The following CNOT6 variants were observed in gnomAD, a reference collection of about 807,000 sequenced individuals.
The protein encoded by CNOT6 is carbon catabolite repression 4 protein.
A neutral mutation model predicts 61.2 loss-of-function variants in CNOT6; 12 were observed. The observed-to-expected ratio is 0.20, with a 90% CI of 0.13 to 0.32. The LOEUF is 0.32. CNOT6 is among the 10% of genes least tolerant of loss of function. The pLI, the probability that CNOT6 is intolerant of heterozygous loss-of-function variation, is 1.00. For synonymous variants in CNOT6, 225 were observed against 240.6 expected (o/e 0.94, Z 0.60); for missense variants, 405 against 663.9 (o/e 0.61, Z 4.28).
chr5:180,529,134 G>T (rs1316825558), intron 1 of CNOT6, 141 bp from the exon 2 acceptor site: 17 of 629,888 alleles, frequency 2.7e-5, no homozygotes, highest in Non-Finnish European at 2.9e-6. Context: ...GCTTGAAGAG[G>T]TTGGAGTGAG....
At chr5:180,536,120 T>C (rs1278211328) in intron 2 of CNOT6, among the ~76,000 whole-genome samples, 1 of 148,302 alleles carries the variant, frequency 6.7e-6, no homozygotes, top group Non-Finnish European at 1.5e-5. Context: ...CTCAGCCTCC[T>C]GAGTAGCTGG....
chr5:180,505,821 T>G (rs1399583720), intron 1 of CNOT6, among the ~76,000 whole-genome samples: 1 of 152,204 alleles, frequency 6.6e-6, no homozygotes, highest in Non-Finnish European at 1.5e-5. Flanking sequence ...GTGCTGGGAT[T>G]ACAGGCTTGA....
chr5:180,500,166 CTG>C (rs1393326919), intron 1 of CNOT6, among the ~76,000 whole-genome samples: 1 of 151,632 alleles, frequency 6.6e-6, no homozygotes, highest in Non-Finnish European at 1.5e-5. Context: ...GGGTCTCACT[CTG>C]TGTCACCCAG....
At chr5:180,551,377 A>G (rs1001369841) in intron 3 of CNOT6, among the ~76,000 whole-genome samples, 1 of 151,976 alleles carries the variant, frequency 6.6e-6, no homozygotes, top group Non-Finnish European at 1.5e-5. Context: ...CCCTCTAGAA[A>G]ATAAGAAAGA....
At position 180,494,394 on chromosome 5, in the gene CNOT6, C is replaced by G. The variant is rs1193078804; in HGVS notation, c.-372C>G. The G allele has an allele frequency of 1.3e-5, 2 of 152,862 alleles. No individual in the cohort carries two copies. The highest frequency in any genetic ancestry group is 6.6e-5 in the Admixed American group (1 of 15,256). The allele number at this position is 152,862 out of a possible 1,614,324, so 9.5% of individuals were successfully genotyped here. On this transcript the variant is annotated 5_prime_UTR_variant, in exon 1 of 12. Transcript: ENST00000261951. ...CTCGCTGGCTGAGGGACGGCGGCCGCCGCCATGATGCTTGTTTGCTTTCAA... is the reference window on the plus strand; with the variant it reads ...CTCGCTGGCTGAGGGACGGCGGCCGGCGCCATGATGCTTGTTTGCTTTCAA...
In CNOT6 at chr5:180,574,988, A is replaced by G. The variant is rs991216407; in HGVS notation, c.*788A>G. 1 of 152,668 alleles carries G rather than the reference A, an allele frequency of 6.6e-6. No homozygotes were observed. Among genetic ancestry groups the G allele is most frequent in the African/African-American group, 2.4e-5 (1 of 41,448 alleles). The allele number at this position is 152,668 out of a possible 1,614,324, so 9.5% of individuals were successfully genotyped here. On this transcript the variant is annotated 3_prime_UTR_variant, in exon 12 of 12. Coordinates refer to ENST00000261951, the MANE Select transcript of CNOT6 (RefSeq NM_001370472.1). Reference sequence around the variant, plus strand: ...AGGACAGATAAGCTGAACAGTGATGATCTGTAGACATTTATGGACTGAATG... The same window carrying G: ...AGGACAGATAAGCTGAACAGTGATGGTCTGTAGACATTTATGGACTGAATG...
chr5:180,504,866 T>C (rs948115164), intron 1 of CNOT6, among the ~76,000 whole-genome samples: 1 of 152,130 alleles, frequency 6.6e-6, no homozygotes, highest in African/African-American at 2.4e-5. Flanking sequence ...AGTTCATAAA[T>C]ATTTTTTAAA....
In CNOT6 at chr5:180,567,001, AT is replaced by A. The variant is rs1235275652; in HGVS notation, c.718-84del. The A allele has an allele frequency of 2.4e-6, 3 of 1,266,562 alleles. No individual in the cohort carries two copies. In the African/African-American group the frequency reaches 4.6e-5, roughly 19 times the overall value. 78.5% of individuals were successfully genotyped at this position (1,266,562 alleles called of 1,614,324 possible). On this transcript the variant is annotated intron_variant, in intron 7 of 11. Transcript: ENST00000261951. The stretch of plus-strand genomic sequence containing the variant: ...ATCTGCAGACCAGTCCTTTGAAATT[AT>A]TTCAAGCTCTCAAACTATACATAGA...
chr5:180,503,731 G>A (rs1212812970), intron 1 of CNOT6, among the ~76,000 whole-genome samples: 1 of 148,226 alleles, frequency 6.7e-6, no homozygotes, highest in Non-Finnish European at 1.5e-5. Flanking sequence ...TCAGCCTCCC[G>A]AGTAGCTGGG....
chr5:180,541,305 A>AT (rs1287431058), intron 2 of CNOT6, among the ~76,000 whole-genome samples: 3 of 151,096 alleles, frequency 2.0e-5, no homozygotes, highest in African/African-American at 4.9e-5. Flanking sequence ...CATCTGGCTA[A>AT]TTTTTTTATT....
chr5:180,569,402 T>G, intron 10 of CNOT6, 62 bp downstream of exon 10: 1 of 1,284,672 alleles, frequency 7.8e-7, no homozygotes, highest in Admixed American at 1.9e-5. Flanking sequence ...TAGTAATGTT[T>G]TGTTTCTGAT....
Position 180,500,441 on chromosome 5 carries a change from C to CTT in CNOT6, c.-3+5691_-3+5692dup, listed in dbSNP as rs35457190. On this transcript the variant is annotated intron_variant, in intron 1 of 11. Transcript: ENST00000261951. The stretch of plus-strand genomic sequence containing the variant: ...TCACGTTTTCTTTTTCTTTTCTTTT[C>CTT]TTTTTTTTTTTTTTGAGATGGAGTC... Among the ~76,000 whole-genome samples, 1,078 of 126,562 alleles carry CTT rather than the reference C, an allele frequency of 8.5e-3. 22 individuals carry two copies. Among genetic ancestry groups the CTT allele is most frequent in the African/African-American group, 0.025 (905 of 36,258 alleles). 83.0% of individuals were successfully genotyped at this position (126,562 alleles called of 152,430 possible).
At chr5:180,545,272 G>C (rs1278155635) in intron 2 of CNOT6, among the ~76,000 whole-genome samples, 1 of 152,212 alleles carries the variant, frequency 6.6e-6, no homozygotes, top group East Asian at 1.9e-4. Context: ...CATATTCATC[G>C]ATCCTGAAAG....
In CNOT6 at chr5:180,558,277, G is replaced by A. The variant is rs111486880; in HGVS notation, c.385+4806G>A. 8.0e-3 allele frequency among the ~76,000 whole-genome samples: 1,211 copies of A among 152,214 alleles called. 15 individuals carry two copies. Among genetic ancestry groups the A allele is most frequent in the African/African-American group, 0.028 (1,146 of 41,532 alleles). Reference sequence around the variant, plus strand: ...GTCTCAGAGGCCAAGACAGACGCATGGGAGGAGAGGGAGATGGCAAGGACC... The same window carrying A: ...GTCTCAGAGGCCAAGACAGACGCATAGGAGGAGAGGGAGATGGCAAGGACC... On this transcript the variant is annotated intron_variant, in intron 4 of 11. Coordinates refer to ENST00000261951, the MANE Select transcript of CNOT6 (RefSeq NM_001370472.1).
chr5:180,501,480 A>G (rs1359413280), intron 1 of CNOT6, among the ~76,000 whole-genome samples: 12 of 152,236 alleles, frequency 7.9e-5, no homozygotes, highest in Admixed American at 7.9e-4. Flanking sequence ...TATGTCTAAC[A>G]GATATCTGGA....
rs1016193517 is a variant in CNOT6 at position 180,574,322 on chromosome 5, T to A, written c.*122T>A. On this transcript the variant is annotated 3_prime_UTR_variant, in exon 12 of 12. Coordinates refer to ENST00000261951, the MANE Select transcript of CNOT6 (RefSeq NM_001370472.1). ...TTAAGAATGATTTGGACTTTCAATCTGATTATTTGATAAGGATATAGTATG... is the reference window on the plus strand; with the variant it reads ...TTAAGAATGATTTGGACTTTCAATCAGATTATTTGATAAGGATATAGTATG... 8.9e-6 allele frequency: 7 copies of A among 788,180 alleles called. No individual in the cohort carries two copies. The highest frequency in any genetic ancestry group is 2.2e-5 in the Admixed American group (1 of 44,570). The allele number at this position is 788,180 out of a possible 1,614,324, so 48.8% of individuals were successfully genotyped here. A position where few individuals can be genotyped will look rare whatever the true frequency, so the allele number is the denominator to read the frequency against.
chr5:180,567,529 G>A (rs904200315), intron 8 of CNOT6, among the ~76,000 whole-genome samples: 1 of 152,002 alleles, frequency 6.6e-6, no homozygotes, highest in South Asian at 2.1e-4. Flanking sequence ...GACGGTACAG[G>A]GATTCTTAAA....
intron 2 of CNOT6, among the ~76,000 whole-genome samples, chr5:180,544,032 C>T (rs533813728): frequency 3.9e-5 from 6 of 152,222 alleles, no homozygotes; most frequent in East Asian, 1.9e-4. Context: ...AGGATGGTCT[C>T]GATCTCCTGA....
intron 1 of CNOT6, among the ~76,000 whole-genome samples, chr5:180,514,281 A>G (rs1268436615): frequency 6.6e-6 from 1 of 152,002 alleles, no homozygotes; most frequent in Non-Finnish European, 1.5e-5. Flanking sequence ...AATCAGCCAC[A>G]TGTGTTGGGG....
Sources: gnomAD v4.1 joint callset for allele counts (sites outside exome capture counted in the v4.1 genomes callset) on GRCh38, gnomAD v4.1.1 for gene constraint, MANE v1.5 for transcripts, NCBI Gene and HGNC (gene_info 2026-07-23, HGNC 2026-07-21) for gene names.